Variants in F9 observed in about 807,000 individuals in gnomAD.
The protein encoded by F9 is Christmas factor.
A neutral mutation model predicts 34.1 loss-of-function variants in F9; 2 were observed. That is an observed-to-expected ratio of 0.06 (90% CI 0.02 to 0.18). The LOEUF (loss-of-function observed/expected upper bound fraction) is 0.18, where lower values mean the gene tolerates loss of function less well. Ranked by LOEUF, F9 falls within the 10% of genes least tolerant of loss-of-function variation. The pLI is 1.00. For synonymous variants in F9, 137 were observed against 118.8 expected (o/e 1.15, Z -1.00); for missense variants, 216 against 345.1 (o/e 0.63, Z 2.96).
rs1246804517 is a variant in F9, at chrX:139,545,232, T to C, written c.392-3131T>C. On this transcript the variant is annotated intron_variant, in intron 4 of 7. Coordinates refer to ENST00000218099, the MANE Select transcript of F9 (RefSeq NM_000133.4). Reference sequence around the variant, plus strand: ...AGGATTTCTATTGAAAGTTTTACTGTTGTCAAACACGTACACAAGGGGAAA... The same window carrying C: ...AGGATTTCTATTGAAAGTTTTACTGCTGTCAAACACGTACACAAGGGGAAA... 4 of 112,148 alleles carry C rather than the reference T, an allele frequency of 3.6e-5. No homozygotes were observed. In the East Asian group the frequency reaches 1.1e-3, roughly 31 times the overall value. 9.2% of individuals were successfully genotyped at this position (112,148 alleles called of 1,213,427 possible). A position where few individuals can be genotyped will look rare whatever the true frequency, so the allele number is the denominator to read the frequency against.
chrX:139,536,216 C>CACACATATATGT (rs1569481880), intron 1 of F9, among the ~76,000 whole-genome samples: 5 of 89,247 alleles, frequency 5.6e-5, no homozygotes, highest in African/African-American at 2.1e-4. Context: ...TATACACACA[C>CACACATATATGT]ATATATATGT....
chrX:139,541,295 C>A lies in F9; in HGVS notation c.391+106C>A, dbSNP rs1019266579. On this transcript the variant is annotated intron_variant, in intron 4 of 7. Coordinates refer to ENST00000218099, the MANE Select transcript of F9 (RefSeq NM_000133.4). ...TATCATAATTTTTCTTAAAAACATA[C>A]CTTTGATGCTTATAAACATTTCATT... 2.6e-5 allele frequency: 12 copies of A among 467,187 alleles called. No individual in the cohort carries two copies. The East Asian group carries it at 4.6e-4, about 18-fold the overall frequency. The allele number at this position is 467,187 out of a possible 1,213,427, so 38.5% of individuals were successfully genotyped here. A position where few individuals can be genotyped will look rare whatever the true frequency, so the allele number is the denominator to read the frequency against.
At chrX:139,546,683 C>T (rs970089029) in intron 4 of F9, among the ~76,000 whole-genome samples, 1 of 111,256 alleles carries the variant, frequency 9.0e-6, no homozygotes, top group Admixed American at 9.6e-5. Context: ...TGTCTATATA[C>T]CAGCAACGAT....
intron 1 of F9, among the ~76,000 whole-genome samples, chrX:139,534,897 G>T (rs137998562): frequency 9.0e-6 from 1 of 111,597 alleles, no homozygotes; most frequent in African/African-American, 3.3e-5. Context: ...ATATGTGGTG[G>T]CATCCATCTG....
intron 1 of F9, among the ~76,000 whole-genome samples, chrX:139,532,842 T>C (rs936673226): frequency 1.8e-5 from 2 of 112,031 alleles, no homozygotes; most frequent in Non-Finnish European, 3.8e-5. Flanking sequence ...TGGTTCCATA[T>C]GGACTATGAC....
chrX:139,535,501 G>T (rs1320460674), intron 1 of F9, among the ~76,000 whole-genome samples: 5 of 111,846 alleles, frequency 4.5e-5, no homozygotes, highest in African/African-American at 1.6e-4. Flanking sequence ...ATGAAAATAA[G>T]GGAAGAAAGT....
chrX:139,548,873 T>G (rs993231603), intron 5 of F9, among the ~76,000 whole-genome samples: 2 of 112,103 alleles, frequency 1.8e-5, no homozygotes, highest in Non-Finnish European at 3.8e-5. Context: ...GACGGTAAGT[T>G]TGAAGCATGA....
Position 139,539,030 on chromosome X carries a change from A to G in F9, c.277+1644A>G, listed in dbSNP as rs4149688. Reference sequence around the variant, plus strand: ...CTTGCAGTCAAGGTTCCTAACCACTACAAAATTAGCCTATGTTTCTTCTTG... The same window carrying G: ...CTTGCAGTCAAGGTTCCTAACCACTGCAAAATTAGCCTATGTTTCTTCTTG... On this transcript the variant is annotated intron_variant, in intron 3 of 7. Coordinates refer to ENST00000218099, the MANE Select transcript of F9 (RefSeq NM_000133.4). 3.7e-3 allele frequency among the ~76,000 whole-genome samples: 415 copies of G among 112,211 alleles called. 3 individuals are homozygous for G. The highest frequency in any genetic ancestry group is 0.013 in the African/African-American group (401 of 30,918).
rs368644284 is a variant in F9, at chrX:139,548,510, T to C, written c.520+19T>C. The C allele has an allele frequency of 1.0e-5, 12 of 1,197,750 alleles. No individual in the cohort carries two copies. Among genetic ancestry groups the C allele is most frequent in the Admixed American group, 2.3e-5 (1 of 44,384 alleles). ...CCAGCAGGTCATAATCTGAATAAGA[T>C]TTTTTAAAGAAAATCTGTATCTGAA... On this transcript the variant is annotated intron_variant, in intron 5 of 7. Transcript: ENST00000218099.
In F9 at chrX:139,532,975, G is replaced by A. The variant is rs4149666; in HGVS notation, c.88+2123G>A. Among the ~76,000 whole-genome samples the A allele has an allele frequency of 2.7e-3, 305 of 111,309 alleles. 2 individuals carry two copies. Among genetic ancestry groups the A allele is most frequent in the African/African-American group, 9.0e-3 (277 of 30,674 alleles). ...TATAAACATAAGGAGTACCACTGAT[G>A]GCTGATTTAGGATGCCCAGTCTGGC... On this transcript the variant is annotated intron_variant, in intron 1 of 7. Coordinates refer to ENST00000218099, the MANE Select transcript of F9 (RefSeq NM_000133.4).
At chrX:139,545,375 T>A (rs989497715) in intron 4 of F9, among the ~76,000 whole-genome samples, 2 of 111,787 alleles carry the variant, frequency 1.8e-5, no homozygotes, top group African/African-American at 6.5e-5. Flanking sequence ...ACATGGTACT[T>A]CCTGTTATTG....
rs980093289 is a variant in F9 at position 139,546,744 on chromosome X, T to C, written c.392-1619T>C. 4.5e-5 allele frequency among the ~76,000 whole-genome samples: 5 copies of C among 111,511 alleles called. No individual in the cohort carries two copies. In the South Asian group the frequency reaches 1.5e-3, roughly 33 times the overall value. ...TAAAAATTAGACGCTTAGTAATAAA[T>C]GTGAGAAAGATGTGCAAGAACTCTA... On this transcript the variant is annotated intron_variant, in intron 4 of 7. Transcript: ENST00000218099.
chrX:139,555,026 T>A (rs948487906), intron 6 of F9, among the ~76,000 whole-genome samples: 7 of 112,049 alleles, frequency 6.2e-5, no homozygotes, highest in Admixed American at 9.4e-5. Context: ...AGACAACTTC[T>A]TTGTGGACTT....
chrX:139,546,567 G>GA (rs1162460410), intron 4 of F9, among the ~76,000 whole-genome samples: 2 of 111,305 alleles, frequency 1.8e-5, no homozygotes, highest in East Asian at 2.8e-4. Flanking sequence ...GTAACTTTCA[G>GA]AAAAAATGAT....
chrX:139,559,514 G>A (rs987944288), intron 6 of F9, among the ~76,000 whole-genome samples: 1 of 110,052 alleles, frequency 9.1e-6, no homozygotes, highest in Non-Finnish European at 1.9e-5. Context: ...CCTGGTGACA[G>A]GGCAAGACTC....
At chrX:139,557,731 T>C (rs4149731) in intron 6 of F9, among the ~76,000 whole-genome samples, 2,171 of 113,067 alleles carry the variant, frequency 0.019, 44 homozygotes, top group African/African-American at 0.067. Flanking sequence ...CCAAGTTTTA[T>C]TGATGCTGAC....
intron 4 of F9, among the ~76,000 whole-genome samples, chrX:139,543,067 T>C (rs778848558): frequency 9.1e-6 from 1 of 110,369 alleles, no homozygotes; most frequent in Non-Finnish European, 1.9e-5. Flanking sequence ...TTGCTTCAAA[T>C]TAAAGACTAA....
At chrX:139,536,139 GATATATA>G (rs1927456135) in intron 1 of F9, among the ~76,000 whole-genome samples, 1 of 104,974 alleles carries the variant, frequency 9.5e-6, no homozygotes, top group Non-Finnish European at 1.9e-5. Flanking sequence ...TATATGATAT[GATATATA>G]TGATATATAT....
intron 6 of F9, among the ~76,000 whole-genome samples, chrX:139,555,750 T>C (rs997371041): frequency 9.0e-6 from 1 of 111,293 alleles, no homozygotes; most frequent in Non-Finnish European, 1.9e-5. Flanking sequence ...CAGAAATGAG[T>C]TTTTCTTAGA....
Sources: gnomAD v4.1 joint callset for allele counts (sites outside exome capture counted in the v4.1 genomes callset) on GRCh38, gnomAD v4.1.1 for gene constraint, MANE v1.5 for transcripts, NCBI Gene and HGNC (gene_info 2026-07-23, HGNC 2026-07-21) for gene names.